Variants in FKBP5 observed in about 807,000 individuals in gnomAD.
FKBP5 encodes the protein peptidyl-prolyl cis-trans isomerase FKBP5.
Under a neutral mutation model 50.5 loss-of-function variants are expected in FKBP5, and 23 were observed. The ratio of observed to expected loss-of-function variants is 0.46; its 90% CI spans 0.33 to 0.65. FKBP5 has a LOEUF of 0.65. Among genes scored for constraint, FKBP5 ranks in the 30% least tolerant of loss-of-function variants. The probability of loss-of-function intolerance (pLI) is 0.02; values close to 1 mark genes in which losing one functional copy is unlikely to be tolerated. For synonymous variants in FKBP5, 176 were observed against 190.6 expected (o/e 0.92, Z 0.63); for missense variants, 411 against 553.1 (o/e 0.74, Z 2.58).
At chr6:35,694,602 A>C (rs1024873939) in intron 2 of FKBP5, among the ~76,000 whole-genome samples, 1 of 152,236 alleles carries the variant, frequency 6.6e-6, no homozygotes, top group African/African-American at 2.4e-5. Flanking sequence ...GGGCACCAGC[A>C]GTCTGGGATC....
intron 1 of FKBP5, among the ~76,000 whole-genome samples, chr6:35,657,144 G>A (rs1439229415): frequency 6.6e-6 from 1 of 152,070 alleles, no homozygotes; most frequent in Non-Finnish European, 1.5e-5. Flanking sequence ...GAACCCGGGA[G>A]GCGGAGCTTG....
Position 35,599,403 on chromosome 6 carries a change from TG to T in FKBP5, c.509-2000del, listed in dbSNP as rs1763078175. Among the ~76,000 whole-genome samples, 5 of 152,342 alleles carry T rather than the reference TG, an allele frequency of 3.3e-5. No homozygotes were observed. The South Asian group carries it at 1.0e-3, about 32-fold the overall frequency. On this transcript the variant is annotated intron_variant, in intron 5 of 10. Transcript: ENST00000357266. ...CTGAGAAATGAGAAAAACTGAAGAA[TG>T]AACAGAAATGGTGTAGACACTAGGG...
chr6:35,582,603 C>G, intron 8 of FKBP5: 1 of 915,930 alleles, frequency 1.1e-6, no homozygotes, highest in Non-Finnish European at 1.3e-6. Flanking sequence ...CTGGGACTTA[C>G]AGTCTCCAGA....
Position 35,612,675 on chromosome 6 carries a change from C to T in FKBP5, c.508+6421G>A, listed in dbSNP as rs186842904. On this transcript the variant is annotated intron_variant, in intron 5 of 10. Transcript: ENST00000357266. Reference sequence around the variant, plus strand: ...ATCATGGCAGAAGGGGAAGCAAACACACCCTTCTTCACATGGCGGCAGAAG... The same window carrying T: ...ATCATGGCAGAAGGGGAAGCAAACATACCCTTCTTCACATGGCGGCAGAAG... Among the ~76,000 whole-genome samples the T allele has an allele frequency of 1.5e-3, 235 of 152,356 alleles. 2 individuals carry two copies. Among genetic ancestry groups the T allele is most frequent in the African/African-American group, 5.5e-3 (229 of 41,578 alleles).
intron 3 of FKBP5, among the ~76,000 whole-genome samples, chr6:35,624,306 G>T (rs759958003): frequency 2.6e-4 from 39 of 152,104 alleles, no homozygotes; most frequent in African/African-American, 9.2e-4. Context: ...AGGTCACTCT[G>T]AGACTGTGTT....
At chr6:35,654,074 T>A (rs1764884655) in intron 1 of FKBP5, among the ~76,000 whole-genome samples, 1 of 152,222 alleles carries the variant, frequency 6.6e-6, no homozygotes, top group Admixed American at 6.5e-5. Flanking sequence ...TGTATACATG[T>A]ATGTGCATAT....
chr6:35,680,746 T>C (rs1200204037), intron 1 of FKBP5, among the ~76,000 whole-genome samples: 1 of 152,252 alleles, frequency 6.6e-6, no homozygotes. Flanking sequence ...CAGATTTGTA[T>C]GCCTCCTCTT....
chr6:35,627,458 A>G (rs1385183253), intron 3 of FKBP5, among the ~76,000 whole-genome samples: 2 of 152,046 alleles, frequency 1.3e-5, no homozygotes, highest in Non-Finnish European at 2.9e-5. Flanking sequence ...CCATTTTTAA[A>G]TTGGGCTATT....
At chr6:35,588,934 G>A (rs971892658) in intron 7 of FKBP5, among the ~76,000 whole-genome samples, 38 of 150,700 alleles carry the variant, frequency 2.5e-4, no homozygotes, top group African/African-American at 9.0e-4. Flanking sequence ...CAGAGAGGGG[G>A]GTCTCACTAT....
chr6:35,630,138 AAG>A (rs755392500), intron 3 of FKBP5, among the ~76,000 whole-genome samples: 4 of 151,596 alleles, frequency 2.6e-5, no homozygotes, highest in Non-Finnish European at 5.9e-5. Flanking sequence ...TCTGGAGAGA[AAG>A]AGAGAGAGAA....
At chr6:35,666,008 A>G (rs1253537746) in intron 1 of FKBP5, among the ~76,000 whole-genome samples, 2 of 152,186 alleles carry the variant, frequency 1.3e-5, no homozygotes, top group Non-Finnish European at 2.9e-5. Context: ...TAAGTTAGGT[A>G]TATTAAATGC....
chr6:35,672,054 G>A (rs1765402164), intron 1 of FKBP5, among the ~76,000 whole-genome samples: 1 of 152,082 alleles, frequency 6.6e-6, no homozygotes, highest in Admixed American at 6.5e-5. Flanking sequence ...ATTTTTAGTA[G>A]AGACTGGGTT....
At position 35,580,130 on chromosome 6, in the gene FKBP5, G is replaced by A. The variant is rs775871300; in HGVS notation, c.932C>T (p.Ala311Val). The A allele has an allele frequency of 4.3e-6, 7 of 1,613,884 alleles. No individual in the cohort carries two copies. In the South Asian group the frequency reaches 6.6e-5, roughly 15 times the overall value. ...GGCAGCAAGGAGAAATGATTCAGAA[G>A]CTTTCGATTCCTTTTCTGATAAACC... is the stretch of plus-strand genomic sequence containing the variant. Reference protein sequence around the residue: ...EYGLSEKESKASESFLLAAFL... With the variant: ...EYGLSEKESKVSESFLLAAFL... Residue 311 changes from alanine (A) to valine (V), a missense_variant, in exon 9 of 11, where the codon GCT becomes GTT. Ala to Val is a moderately conservative substitution (Grantham distance 64). Transcript: ENST00000357266.
chr6:35,683,095 AGTGTGTGTGTATATATATACGTATATGT>A (rs1765717771), intron 1 of FKBP5, among the ~76,000 whole-genome samples: 4 of 147,404 alleles, frequency 2.7e-5, no homozygotes, highest in Non-Finnish European at 6.0e-5. Context: ...TAAAAAAAAA[AGTGTGTGTGTATATATATACGTATATGT>A]GTGTGTGTGT....
intron 8 of FKBP5, 30 bp from the exon 9 acceptor site, chr6:35,580,251 T>TC: frequency 6.3e-7 from 1 of 1,577,196 alleles, no homozygotes; most frequent in Non-Finnish European, 8.7e-7. Context: ...TTACTTGTAC[T>TC]CAGCTCTTGA....
At chr6:35,709,498 T>A (rs1044060488) in intron 2 of FKBP5, among the ~76,000 whole-genome samples, 1 of 152,234 alleles carries the variant, frequency 6.6e-6, no homozygotes, top group Non-Finnish European at 1.5e-5. Context: ...TGTTTGAATT[T>A]TTCACCATGT....
At chr6:35,592,023 T>C (rs964115038) in intron 6 of FKBP5, among the ~76,000 whole-genome samples, 2 of 152,240 alleles carry the variant, frequency 1.3e-5, no homozygotes, top group African/African-American at 4.8e-5. Context: ...AGATATTTAC[T>C]AGAATGGGAG....
At chr6:35,718,715 G>A (rs1486311348) in intron 2 of FKBP5, among the ~76,000 whole-genome samples, 3 of 152,186 alleles carry the variant, frequency 2.0e-5, no homozygotes, top group Non-Finnish European at 4.4e-5. Context: ...TCAAATAACT[G>A]TTTTTGAATG....
intron 2 of FKBP5, among the ~76,000 whole-genome samples, chr6:35,642,118 TA>T (rs1340329311): frequency 6.6e-6 from 1 of 152,194 alleles, no homozygotes; most frequent in Non-Finnish European, 1.5e-5. Context: ...TTTAGTGTAC[TA>T]AAAGGATACA....
Sources: allele counts gnomAD v4.1 joint callset (sites outside exome capture counted in the v4.1 genomes callset), GRCh38; gene constraint gnomAD v4.1.1; transcripts MANE v1.5; gene names NCBI Gene and HGNC (gene_info 2026-07-23, HGNC 2026-07-21).